The following ITLN1 variants were observed in gnomAD, a reference collection of about 807,000 sequenced individuals.
ITLN1 encodes the protein intelectin 1.
In ITLN1, 29 loss-of-function variants were observed where a neutral mutation model predicts 36.2. That is an observed-to-expected ratio of 0.80 (90% confidence interval 0.60 to 1.09). ITLN1 has a LOEUF of 1.09. Ranked by LOEUF, ITLN1 falls within the 50% of genes least tolerant of loss-of-function variation. The probability of loss-of-function intolerance (pLI) is 0.00; values close to 1 mark genes in which losing one functional copy is unlikely to be tolerated. For missense variants in ITLN1, 358 were observed against 405.2 expected (o/e 0.88, Z 1.00); for synonymous variants, 143 against 146.5 (o/e 0.98, Z 0.17).
intron 6 of ITLN1, among the ~76,000 whole-genome samples, chr1:160,880,305 CAA>C (rs35460265): frequency 2.1e-5 from 3 of 145,628 alleles, no homozygotes; most frequent in South Asian, 2.2e-4. Flanking sequence ...AACTCCATCT[CAA>C]AAAAAAAAAA....
chr1:160,877,031 G>C (rs1343136709), intron 7 of ITLN1, among the ~76,000 whole-genome samples: 1 of 152,066 alleles, frequency 6.6e-6, no homozygotes, highest in Non-Finnish European at 1.5e-5. Flanking sequence ...TGAGGCCAGG[G>C]GTTCGAGACC....
At chr1:160,881,425 T>G in intron 4 of ITLN1, 113 bp from the exon 5 acceptor site, 1 of 1,258,094 alleles carries the variant, frequency 7.9e-7, no homozygotes. Context: ...GATGAGCAGA[T>G]GGCCAACCAT....
chr1:160,879,499 A>G, intron 6 of ITLN1, 85 bp from the exon 7 acceptor site: 11 of 1,017,810 alleles, frequency 1.1e-5, no homozygotes, highest in Non-Finnish European at 1.7e-5. Context: ...CTCGATGCCA[A>G]AGCTCAGGCT....
Position 160,881,330 on chromosome 1 carries a change from C to T in ITLN1, c.406-18G>A, listed in dbSNP as rs372061861. Reference sequence around the variant, plus strand: ...CCAGGGTTCTGGAAAGCAACAGACACTGAGCCTGACTGGGCCAGGAGGTCC... The same window carrying T: ...CCAGGGTTCTGGAAAGCAACAGACATTGAGCCTGACTGGGCCAGGAGGTCC... On this transcript the variant is annotated intron_variant, in intron 4 of 7. Transcript: ENST00000326245. The T allele has an allele frequency of 1.3e-5, 21 of 1,557,818 alleles. No homozygotes were observed. Among genetic ancestry groups the T allele is most frequent in the Non-Finnish European group, 1.5e-5 (17 of 1,151,360 alleles).
In ITLN1 at chr1:160,882,087, C is replaced by A. The variant is rs144472647; in HGVS notation, c.275G>T (p.Gly92Val). Residue 92 changes from glycine (G) to valine (V), a missense_variant, in exon 4 of 8, where the codon GGG becomes GTG. Coordinates refer to ENST00000326245, the MANE Select transcript of ITLN1 (RefSeq NM_017625.3). Reference protein sequence around the residue: ...VASVHENDMRGKCTVGDRWSS... With the variant: ...VASVHENDMRVKCTVGDRWSS... Reference sequence around the variant, plus strand: ...CCAGCGATCGCCCACCGTGCACTTCCCACGCATGTCATTCTCGTGCACGCT... The same window carrying A: ...CCAGCGATCGCCCACCGTGCACTTCACACGCATGTCATTCTCGTGCACGCT... 6 of 1,614,178 alleles carry A rather than the reference C, an allele frequency of 3.7e-6. No individual in the cohort carries two copies. The highest frequency in any genetic ancestry group is 8.5e-7 in the Non-Finnish European group (1 of 1,180,034).
At chr1:160,883,560 G>A (rs1571143593) in intron 2 of ITLN1, 34 bp from the exon 3 acceptor site, 1 of 1,464,540 alleles carries the variant, frequency 6.8e-7, no homozygotes, top group Admixed American at 1.7e-5. Flanking sequence ...CTCATTCCCG[G>A]TTTGACACAA....
intron 2 of ITLN1, 58 bp downstream of exon 2, chr1:160,884,762 C>G: frequency 8.2e-7 from 1 of 1,213,138 alleles, no homozygotes; most frequent in Non-Finnish European, 1.2e-6. Flanking sequence ...CTGGGAGAGA[C>G]CAGGATCCCG....
chr1:160,877,292 C>T (rs1246866510), intron 7 of ITLN1, among the ~76,000 whole-genome samples: 2 of 151,944 alleles, frequency 1.3e-5, no homozygotes, highest in African/African-American at 2.4e-5. Context: ...ATTGTCTTGA[C>T]TTCCTTTCAA....
At chr1:160,882,263 C>G in intron 3 of ITLN1, 59 bp from the exon 4 acceptor site, 1 of 1,518,840 alleles carries the variant, frequency 6.6e-7, no homozygotes. Context: ...CATTTCAGCC[C>G]CATGACAAGA....
In ITLN1 at chr1:160,882,009, G is replaced by T. The variant is rs1226450215; in HGVS notation, c.353C>A (p.Ala118Asp). Residue 118 changes from alanine to aspartate, a missense_variant, in exon 4 of 8, where the codon GCC becomes GAC. Transcript: ENST00000326245. Reference sequence around the variant, plus strand: ...TGCAGATCCAAAGGTGTTGTAGTTGGCCCAGTTGCCGTCCCCCTCTGGGTA... The same window carrying T: ...TGCAGATCCAAAGGTGTTGTAGTTGTCCCAGTTGCCGTCCCCCTCTGGGTA... ...AVYPEGDGNW[A>D]NYNTFGSAEA... 6.2e-7 allele frequency: 1 copy of T among 1,614,020 alleles called. No homozygotes were observed. Among genetic ancestry groups the T allele is most frequent in the Non-Finnish European group, 8.5e-7 (1 of 1,180,002 alleles).
At chr1:160,876,980 G>GT (rs1670598158) in intron 7 of ITLN1, among the ~76,000 whole-genome samples, 164 bp from the exon 8 acceptor site, 2 of 152,182 alleles carry the variant, frequency 1.3e-5, no homozygotes, top group Non-Finnish European at 2.9e-5. Context: ...GCTCACACCT[G>GT]TAATCCCAGC....
chr1:160,879,878 C>A (rs1273361508), intron 6 of ITLN1, among the ~76,000 whole-genome samples: 2 of 152,122 alleles, frequency 1.3e-5, no homozygotes, highest in Admixed American at 1.3e-4. Context: ...CCAACTTTGG[C>A]TTCACACAAA....
At chr1:160,877,749 G>C (rs1670613241) in intron 7 of ITLN1, among the ~76,000 whole-genome samples, 1 of 152,200 alleles carries the variant, frequency 6.6e-6, no homozygotes, top group Non-Finnish European at 1.5e-5. Context: ...CCCAGTGTTG[G>C]GGGTGGGGCC....
Position 160,876,853 on chromosome 1 carries a change from A to C in ITLN1, c.790-37T>G, listed in dbSNP as rs1670595974. 6.9e-6 allele frequency: 11 copies of C among 1,605,182 alleles called. No homozygotes were observed. The East Asian group carries it at 2.5e-4, about 36-fold the overall frequency. On this transcript the variant is annotated intron_variant, in intron 7 of 7. Coordinates refer to ENST00000326245, the MANE Select transcript of ITLN1 (RefSeq NM_017625.3). The stretch of plus-strand genomic sequence containing the variant: ...AGAGAGGAAGAGGCAGTAATGAGAG[A>C]TCTGCCAGTGAGGCCAATGCCATCT...
chr1:160,879,633 C>T (rs1303251095), intron 6 of ITLN1, among the ~76,000 whole-genome samples: 1 of 152,170 alleles, frequency 6.6e-6, no homozygotes, highest in Non-Finnish European at 1.5e-5. Context: ...AGAGCTGGTC[C>T]TCAGAGAGGG....
At chr1:160,878,766 C>A (rs1441938667) in intron 7 of ITLN1, among the ~76,000 whole-genome samples, 2 of 152,106 alleles carry the variant, frequency 1.3e-5, no homozygotes, top group African/African-American at 4.8e-5. Context: ...TCAATCCCAC[C>A]ATTCAGGATT....
rs73027849 is a variant in ITLN1, at chr1:160,882,398, A to C, written c.158-194T>G. On this transcript the variant is annotated intron_variant, in intron 3 of 7. Coordinates refer to ENST00000326245, the MANE Select transcript of ITLN1 (RefSeq NM_017625.3). The stretch of plus-strand genomic sequence containing the variant: ...CATGCTCCTGTAACTGAGGCAGAAC[A>C]TAGAATTGTATAAAATCCCAGTGAC... 2,178 of 522,628 alleles carry C rather than the reference A, an allele frequency of 4.2e-3. 37 individuals carry two copies. The highest frequency in any genetic ancestry group is 0.039 in the African/African-American group (1,994 of 51,366). The allele number at this position is 522,628 out of a possible 1,614,324, so 32.4% of individuals were successfully genotyped here.
chr1:160,884,423 G>A (rs1041907521), intron 2 of ITLN1, among the ~76,000 whole-genome samples: 4 of 148,186 alleles, frequency 2.7e-5, no homozygotes, highest in South Asian at 2.2e-4. Context: ...ATTTTTAGAC[G>A]TGAAGAAAAA....
chr1:160,881,996 G>A lies in ITLN1; in HGVS notation c.366C>T (p.Thr122=), dbSNP rs370012487. Residue 122 remains threonine, a synonymous_variant, in exon 4 of 8, where the codon ACC becomes ACT. Coordinates refer to ENST00000326245, the MANE Select transcript of ITLN1 (RefSeq NM_017625.3). ...EGDGNWANYN[T]FGSAEAATSD... is the part of the protein sequence containing the mutation. Reference sequence around the variant, plus strand: ...TCGTGGCCGCCTCTGCAGATCCAAAGGTGTTGTAGTTGGCCCAGTTGCCGT... The same window carrying A: ...TCGTGGCCGCCTCTGCAGATCCAAAAGTGTTGTAGTTGGCCCAGTTGCCGT... 8.1e-6 allele frequency: 13 copies of A among 1,614,086 alleles called. No individual in the cohort carries two copies. Among genetic ancestry groups the A allele is most frequent in the Non-Finnish European group, 1.1e-5 (13 of 1,180,020 alleles).
Sources: gnomAD v4.1 joint callset for allele counts (sites outside exome capture counted in the v4.1 genomes callset) on GRCh38, gnomAD v4.1.1 for gene constraint, MANE v1.5 for transcripts, NCBI Gene and HGNC (gene_info 2026-07-23, HGNC 2026-07-21) for gene names.